Variants in RNF13 observed in about 807,000 individuals in gnomAD.
The protein encoded by RNF13 is E3 ubiquitin-protein ligase RNF13.
A neutral mutation model predicts 37.7 loss-of-function variants in RNF13; 19 were observed. That is an observed-to-expected ratio of 0.50 (90% CI 0.35 to 0.74). The LOEUF (loss-of-function observed/expected upper bound fraction) is 0.74, where lower values mean the gene tolerates loss of function less well. Ranked by LOEUF, RNF13 falls within the 30% of genes least tolerant of loss-of-function variation. The pLI, the probability that RNF13 is intolerant of heterozygous loss-of-function variation, is 0.01. For synonymous variants in RNF13, 144 were observed against 157.8 expected (o/e 0.91, Z 0.65); for missense variants, 375 against 453.0 (o/e 0.83, Z 1.56).
rs1189800387 is a variant in RNF13, at chr3:149,865,405, G to A, written c.196-6624G>A. Among the ~76,000 whole-genome samples, 4 of 149,718 alleles carry A rather than the reference G, an allele frequency of 2.7e-5. No individual in the cohort carries two copies. In the Admixed American group the frequency reaches 2.7e-4, roughly 10 times the overall value. On this transcript the variant is annotated intron_variant, in intron 3 of 9. Transcript: ENST00000392894. The stretch of plus-strand genomic sequence containing the variant: ...ATAATCATCACCATTAATAGTAAAA[G>A]CAGGAATATTTAAGATATAACCTCA...
chr3:149,905,375 T>TA (rs1227829139), intron 6 of RNF13, among the ~76,000 whole-genome samples: 2 of 152,170 alleles, frequency 1.3e-5, no homozygotes, highest in African/African-American at 4.8e-5. Flanking sequence ...AAGCGCTACT[T>TA]ATATTTTATC....
intron 4 of RNF13, among the ~76,000 whole-genome samples, chr3:149,873,050 A>G (rs1001530390): frequency 3.9e-5 from 6 of 152,238 alleles, no homozygotes; most frequent in African/African-American, 1.4e-4. Flanking sequence ...TCAAAGTAGT[A>G]GACTTCCTGC....
At chr3:149,910,660 ACCTTTCGGTTATGAAAT>A (rs1261167996) in intron 6 of RNF13, among the ~76,000 whole-genome samples, 1 of 152,130 alleles carries the variant, frequency 6.6e-6, no homozygotes, top group African/African-American at 2.4e-5. Context: ...TTTGCATTGA[ACCTTTCGGTTATGAAAT>A]ACCTGGCTTC....
At chr3:149,822,638 A>G (rs1042483531) in intron 1 of RNF13, 2 of 152,122 alleles carry the variant, frequency 1.3e-5, no homozygotes, top group African/African-American at 2.4e-5. Flanking sequence ...GTGTTGAACT[A>G]TTATCTTACT....
At chr3:149,865,314 T>C (rs1012884932) in intron 3 of RNF13, among the ~76,000 whole-genome samples, 9 of 132,720 alleles carry the variant, frequency 6.8e-5, no homozygotes, top group African/African-American at 2.5e-4. Flanking sequence ...GAAACTTCTT[T>C]CTAGATGTTT....
chr3:149,935,055 TC>T (rs1719538254), intron 8 of RNF13, among the ~76,000 whole-genome samples: 2 of 152,256 alleles, frequency 1.3e-5, no homozygotes, highest in African/African-American at 4.8e-5. Context: ...TGGGGAATGT[TC>T]CATGTGCTGA....
chr3:149,865,096 G>A (rs1416291698), intron 3 of RNF13, among the ~76,000 whole-genome samples: 1 of 151,640 alleles, frequency 6.6e-6, no homozygotes, highest in Non-Finnish European at 1.5e-5. Context: ...ATTTAGATGG[G>A]ACAACCAAAA....
At chr3:149,869,355 C>T (rs796129932) in intron 3 of RNF13, among the ~76,000 whole-genome samples, 4 of 151,858 alleles carry the variant, frequency 2.6e-5, no homozygotes, top group South Asian at 2.1e-4. Context: ...CCTGTAATCC[C>T]AGCACTTTGG....
intron 7 of RNF13, among the ~76,000 whole-genome samples, chr3:149,920,491 CTT>C (rs1224355724): frequency 6.6e-6 from 1 of 152,104 alleles, no homozygotes; most frequent in African/African-American, 2.4e-5. Context: ...CTTCAGTTGT[CTT>C]TTATTTTTTT....
chr3:149,939,136 G>GT, intron 8 of RNF13: 2 of 511,078 alleles, frequency 3.9e-6, no homozygotes, highest in Non-Finnish European at 7.6e-6. Context: ...GTTTTTTCCT[G>GT]TTTTTTGAAA....
intron 3 of RNF13, among the ~76,000 whole-genome samples, chr3:149,859,431 C>A (rs1019468833): frequency 6.6e-6 from 1 of 152,090 alleles, no homozygotes; most frequent in East Asian, 1.9e-4. Flanking sequence ...TATAGCATTT[C>A]ATTTGATTTA....
intron 1 of RNF13, among the ~76,000 whole-genome samples, chr3:149,832,249 G>A (rs1367611077): frequency 2.6e-5 from 4 of 152,156 alleles, no homozygotes; most frequent in Non-Finnish European, 5.9e-5. Context: ...AGAACCAGTG[G>A]AATCTGAGCT....
chr3:149,929,796 C>G (rs1285100878), intron 8 of RNF13, among the ~76,000 whole-genome samples: 1 of 152,118 alleles, frequency 6.6e-6, no homozygotes, highest in Non-Finnish European at 1.5e-5. Context: ...TGTCCTTTCT[C>G]CCTTGAATCA....
In RNF13 at chr3:149,829,877, G is replaced by A. The variant is rs148179510; in HGVS notation, c.-16-16134G>A. On this transcript the variant is annotated intron_variant, in intron 1 of 9. Transcript: ENST00000392894. ...TGGTGGGAGGTAATTGAATCATGGG[G>A]GTGGTTTTTTCTGTGCTGTTCTCGT... Among the ~76,000 whole-genome samples, 29 of 152,282 alleles carry A rather than the reference G, an allele frequency of 1.9e-4. No homozygotes were observed. In the East Asian group the frequency reaches 5.0e-3, roughly 26 times the overall value.
chr3:149,896,581 G>A (rs536589381), intron 5 of RNF13, among the ~76,000 whole-genome samples: 1 of 151,938 alleles, frequency 6.6e-6, no homozygotes, highest in African/African-American at 2.4e-5. Flanking sequence ...CTGGGTTCAA[G>A]CGATTCTCCT....
At chr3:149,829,146 G>C (rs1267386373) in intron 1 of RNF13, among the ~76,000 whole-genome samples, 1 of 152,104 alleles carries the variant, frequency 6.6e-6, no homozygotes. Context: ...TTGCCACCCA[G>C]GCTGGTGTGC....
chr3:149,833,224 A>T (rs1721250058), intron 1 of RNF13, among the ~76,000 whole-genome samples: 1 of 147,224 alleles, frequency 6.8e-6, no homozygotes. Flanking sequence ...GGTTTAAGAG[A>T]TTCTCCTGCC....
intron 1 of RNF13, among the ~76,000 whole-genome samples, chr3:149,844,181 C>T (rs1397716888): frequency 1.3e-5 from 2 of 152,132 alleles, no homozygotes; most frequent in Non-Finnish European, 2.9e-5. Flanking sequence ...CAGAAATTGT[C>T]CACATTCAGT....
chr3:149,845,432 AT>A (rs1473738846), intron 1 of RNF13, among the ~76,000 whole-genome samples: 3 of 152,208 alleles, frequency 2.0e-5, no homozygotes, highest in Non-Finnish European at 4.4e-5. Context: ...AGAGGTAGTT[AT>A]GCTGTTGCCA....
Sources: allele counts gnomAD v4.1 joint callset (sites outside exome capture counted in the v4.1 genomes callset), GRCh38; gene constraint gnomAD v4.1.1; transcripts MANE v1.5; gene names NCBI Gene and HGNC (gene_info 2026-07-23, HGNC 2026-07-21).